The following ADCY9 variants were observed in gnomAD, a reference collection of about 807,000 sequenced individuals.
ADCY9 encodes adenylate cyclase 9.
ADCY9 carries 50 observed loss-of-function variants against 101.5 expected under a neutral mutation model. The ratio of observed to expected loss-of-function variants is 0.49; its 90% CI spans 0.39 to 0.62. The LOEUF (loss-of-function observed/expected upper bound fraction) is 0.62. Ranked by LOEUF, ADCY9 falls within the 20% of genes least tolerant of loss-of-function variation. The pLI is 0.00. For synonymous variants in ADCY9, 905 were observed against 769.3 expected (o/e 1.18, Z -2.92); for missense variants, 1,662 against 1,800.4 (o/e 0.92, Z 1.39).
downstream of ADCY9, among the ~76,000 whole-genome samples, chr16:3,961,621 G>A (rs116107664): frequency 5.0e-3 from 761 of 152,240 alleles, 8 homozygotes; most frequent in African/African-American, 0.015. Flanking sequence ...CAGAGAATCA[G>A]CTGGAGGCTG....
At chr16:4,080,929 C>G (rs936306563) in intron 2 of ADCY9, among the ~76,000 whole-genome samples, 2 of 152,010 alleles carry the variant, frequency 1.3e-5, no homozygotes, top group Non-Finnish European at 2.9e-5. Flanking sequence ...TTTCCCTTGT[C>G]TCTGGGATTG....
At chr16:4,047,859 A>G (rs935191691) in intron 2 of ADCY9, among the ~76,000 whole-genome samples, 1 of 152,208 alleles carries the variant, frequency 6.6e-6, no homozygotes, top group South Asian at 2.1e-4. Context: ...GCATCCGGCC[A>G]GAGTGTGTTG....
chr16:4,035,923 C>T (rs557133465), intron 2 of ADCY9, among the ~76,000 whole-genome samples: 4 of 134,894 alleles, frequency 3.0e-5, no homozygotes, highest in Admixed American at 8.8e-5. Context: ...CACTTGAACC[C>T]GGAAGGCGGA....
At chr16:4,098,610 C>A (rs112127420) in intron 2 of ADCY9, among the ~76,000 whole-genome samples, 2 of 152,094 alleles carry the variant, frequency 1.3e-5, no homozygotes, top group Admixed American at 1.3e-4. Flanking sequence ...GGCTATATTC[C>A]CAGCACTAGG....
intron 2 of ADCY9, among the ~76,000 whole-genome samples, chr16:4,074,563 A>G (rs1045626479): frequency 1.8e-4 from 27 of 151,780 alleles, no homozygotes; most frequent in Non-Finnish European, 1.5e-5. Flanking sequence ...AAATTAAAAA[A>G]ACAATTAGCC....
chr16:4,091,047 A>C (rs1239071619), intron 2 of ADCY9, among the ~76,000 whole-genome samples: 2 of 151,422 alleles, frequency 1.3e-5, no homozygotes, highest in African/African-American at 4.8e-5. Flanking sequence ...CAGGGTCTTC[A>C]TATAAGTTCC....
chr16:3,982,988 G>A, intron 7 of ADCY9: 1 of 538,018 alleles, frequency 1.9e-6, no homozygotes, highest in East Asian at 2.9e-5. Flanking sequence ...GGACAAGCTG[G>A]CAGCGGTTGG....
chr16:4,044,472 G>C (rs894013654), intron 2 of ADCY9, among the ~76,000 whole-genome samples: 1 of 152,012 alleles, frequency 6.6e-6, no homozygotes, highest in East Asian at 1.9e-4. Flanking sequence ...ACACAGCAAA[G>C]GAAATCAAAA....
intron 3 of ADCY9, among the ~76,000 whole-genome samples, chr16:4,002,349 T>C (rs902256782): frequency 6.6e-6 from 1 of 152,222 alleles, no homozygotes; most frequent in East Asian, 1.9e-4. Flanking sequence ...ACTTGACACA[T>C]AGAAAACAAG....
Position 4,087,817 on chromosome 16 carries a change from T to TTC in ADCY9, c.1693+25931_1693+25932dup, listed in dbSNP as rs528927276. Among the ~76,000 whole-genome samples, 584 of 149,712 alleles carry TTC rather than the reference T, an allele frequency of 3.9e-3. 12 individuals carry two copies. Among genetic ancestry groups the TTC allele is most frequent in the African/African-American group, 0.014 (557 of 39,630 alleles). On this transcript the variant is annotated intron_variant, in intron 2 of 10. Transcript: ENST00000294016. Reference sequence around the variant, plus strand: ...TCCTGTTACTATTTATTTTCTTTCTTTCTCTCTCTCTCTTCCTTCCTTCCT... The same window carrying TTC: ...TCCTGTTACTATTTATTTTCTTTCTTTCTCTCTCTCTCTCTTCCTTCCTTCCT...
At chr16:4,027,604 T>C (rs13329947) in intron 2 of ADCY9, among the ~76,000 whole-genome samples, 2,045 of 152,110 alleles carry the variant, frequency 0.013, 29 homozygotes, top group African/African-American at 0.044. Flanking sequence ...CAACTGGACG[T>C]GGTGGCTCAC....
At chr16:4,068,037 T>C (rs2056811230) in intron 2 of ADCY9, among the ~76,000 whole-genome samples, 1 of 152,188 alleles carries the variant, frequency 6.6e-6, no homozygotes, top group African/African-American at 2.4e-5. Flanking sequence ...TAAGTTTTTC[T>C]AATTGTAGGG....
At chr16:4,027,080 C>G (rs1165345938) in intron 2 of ADCY9, among the ~76,000 whole-genome samples, 2 of 152,158 alleles carry the variant, frequency 1.3e-5, no homozygotes, top group East Asian at 3.9e-4. Context: ...TGCAACCAAT[C>G]AGACTGGTCA....
At chr16:3,957,485 G>A (rs566474890) in intron 5 of ADCY9, among the ~76,000 whole-genome samples, 3 of 152,154 alleles carry the variant, frequency 2.0e-5, no homozygotes, top group Non-Finnish European at 2.9e-5. Context: ...AGTCAGGGAG[G>A]GGGAGGGTGA....
At chr16:4,088,499 A>T (rs74535302) in intron 2 of ADCY9, among the ~76,000 whole-genome samples, 5,633 of 152,066 alleles carry the variant, frequency 0.037, 364 homozygotes, top group African/African-American at 0.13. Flanking sequence ...CATGTGAACC[A>T]GGCTGGTCTT....
chr16:4,076,804 C>T (rs758712106), intron 2 of ADCY9, among the ~76,000 whole-genome samples: 9 of 152,040 alleles, frequency 5.9e-5, no homozygotes, highest in Non-Finnish European at 1.3e-4. Flanking sequence ...TGGCTGGGGG[C>T]GGTGGCTCAC....
At chr16:3,972,388 TCC>T (rs2056060257) in intron 10 of ADCY9, among the ~76,000 whole-genome samples, 1 of 151,688 alleles carries the variant, frequency 6.6e-6, no homozygotes, top group Non-Finnish European at 1.5e-5. Flanking sequence ...CGCCACCACG[TCC>T]AGCTAATTTT....
Position 3,983,796 on chromosome 16 carries a change from G to T in ADCY9, c.2311-356C>A, listed in dbSNP as rs146215203. ...TAAAATTAGCCAGGCATGGCAGTGC[G>T]TGAGTGTGGTCCCAGCTACTCAGGA... On this transcript the variant is annotated intron_variant, in intron 6 of 10. Coordinates refer to ENST00000294016, the MANE Select transcript of ADCY9 (RefSeq NM_001116.4). 24 of 248,456 alleles carry T rather than the reference G, an allele frequency of 9.7e-5. No individual in the cohort carries two copies. The Admixed American group carries it at 1.2e-3, about 12-fold the overall frequency. The allele number at this position is 248,456 out of a possible 1,614,324, so 15.4% of individuals were successfully genotyped here.
At chr16:4,086,484 T>A (rs898666249) in intron 2 of ADCY9, among the ~76,000 whole-genome samples, 2 of 152,040 alleles carry the variant, frequency 1.3e-5, no homozygotes, top group African/African-American at 2.4e-5. Context: ...GGAGGGATCA[T>A]GGACGTGAGG....
Sources: allele counts gnomAD v4.1 joint callset (sites outside exome capture counted in the v4.1 genomes callset), GRCh38; gene constraint gnomAD v4.1.1; transcripts MANE v1.5; gene names NCBI Gene and HGNC (gene_info 2026-07-23, HGNC 2026-07-21).